The following RNLS variants were observed in gnomAD, a reference collection of about 807,000 sequenced individuals.
RNLS encodes the protein renalase, FAD dependent amine oxidase.
RNLS carries 39 observed loss-of-function variants against 39.8 expected under a neutral mutation model. That is an observed-to-expected ratio of 0.98 (90% confidence interval 0.76 to 1.28). RNLS has a LOEUF of 1.28. Ranked by LOEUF, RNLS falls within the 50% of genes most tolerant of loss-of-function variation. The pLI, the probability that RNLS is intolerant of heterozygous loss-of-function variation, is 0.00. For missense variants in RNLS, 410 were observed against 413.3 expected (o/e 0.99, Z 0.07); for synonymous variants, 147 against 150.7 (o/e 0.98, Z 0.18).
At chr10:88,290,376 GT>G (rs1372094621) in intron 6 of RNLS, among the ~76,000 whole-genome samples, 3 of 152,168 alleles carry the variant, frequency 2.0e-5, no homozygotes, top group African/African-American at 7.2e-5. Flanking sequence ...AAGAATTAAG[GT>G]TTTATAAATT....
At chr10:88,206,986 C>G in the RNLS span, among the ~76,000 whole-genome samples, 4 of 152,220 alleles carry the variant, frequency 2.6e-5, no homozygotes, top group South Asian at 6.2e-4. Context: ...GGCCCACAGG[C>G]TAGACAGACC....
intron 6 of RNLS, among the ~76,000 whole-genome samples, chr10:88,297,333 G>A (rs1263670784): frequency 2.0e-5 from 3 of 152,132 alleles, no homozygotes; most frequent in East Asian, 1.9e-4. Flanking sequence ...GATCTGAGCC[G>A]TGACTGGTTT....
intron 4 of RNLS, among the ~76,000 whole-genome samples, chr10:88,461,354 G>A (rs1269056896): frequency 3.3e-5 from 5 of 152,234 alleles, no homozygotes; most frequent in Middle Eastern, 3.4e-3. Flanking sequence ...AGGTAAAAAT[G>A]AATGGTCTGA....
At chr10:88,418,532 A>C (rs1306008834) in intron 4 of RNLS, among the ~76,000 whole-genome samples, 1 of 152,248 alleles carries the variant, frequency 6.6e-6, no homozygotes, top group Non-Finnish European at 1.5e-5. Flanking sequence ...CCTCAACTTT[A>C]GCCATCCAAA....
intron 5 of RNLS, among the ~76,000 whole-genome samples, chr10:88,346,811 CAT>C (rs1564714614): frequency 1.3e-5 from 2 of 152,148 alleles, no homozygotes; most frequent in African/African-American, 4.8e-5. Flanking sequence ...AGATGTGTCA[CAT>C]GTGTGATGGA....
intron 4 of RNLS, among the ~76,000 whole-genome samples, chr10:88,424,449 T>C (rs1251673940): frequency 2.0e-5 from 3 of 152,118 alleles, no homozygotes; most frequent in African/African-American, 7.2e-5. Flanking sequence ...TTCATAAAAA[T>C]GCATGGACTA....
chr10:88,457,408 G>A (rs758786985), intron 4 of RNLS, among the ~76,000 whole-genome samples: 21 of 152,158 alleles, frequency 1.4e-4, no homozygotes, highest in Non-Finnish European at 2.1e-4. Context: ...TATCAGAAGC[G>A]GGGTGGCAAC....
At chr10:88,429,553 T>C (rs76828355) in intron 4 of RNLS, among the ~76,000 whole-genome samples, 3,854 of 151,946 alleles carry the variant, frequency 0.025, 134 homozygotes, top group South Asian at 0.12. Context: ...CTTTTATGGA[T>C]CATATTTTTG....
intron 4 of RNLS, among the ~76,000 whole-genome samples, chr10:88,395,606 T>C (rs1217291484): frequency 2.6e-5 from 4 of 151,968 alleles, no homozygotes; most frequent in African/African-American, 7.2e-5. Context: ...GCCTCAGACA[T>C]TTGGGGAACA....
At chr10:88,362,484 A>C (rs1486554154) in intron 5 of RNLS, 68 bp downstream of exon 5, 5 of 1,398,442 alleles carry the variant, frequency 3.6e-6, no homozygotes, top group African/African-American at 1.6e-5. Context: ...CACTCAATTA[A>C]ACAGCATTTT....
the RNLS span, among the ~76,000 whole-genome samples, chr10:88,255,180 T>C: frequency 2.0e-5 from 3 of 152,266 alleles, no homozygotes; most frequent in Non-Finnish European, 4.4e-5. Context: ...GGTTTATTCA[T>C]GATACATTTG....
the RNLS span, among the ~76,000 whole-genome samples, chr10:88,177,694 G>A: frequency 6.6e-6 from 1 of 152,094 alleles, no homozygotes; most frequent in African/African-American, 2.4e-5. Context: ...TGTGCATCTG[G>A]CAGAACAGTC....
intron 4 of RNLS, among the ~76,000 whole-genome samples, chr10:88,391,080 C>T (rs796945): frequency 0.71 from 107,327 of 152,058 alleles, 38,758 homozygotes; most frequent in African/African-American, 0.86. Flanking sequence ...GCACATATGA[C>T]ATTTGAATCC....
chr10:88,453,726 C>G (rs1842473365), intron 4 of RNLS, among the ~76,000 whole-genome samples: 1 of 152,216 alleles, frequency 6.6e-6, no homozygotes, highest in South Asian at 2.1e-4. Context: ...TGTTAACTAG[C>G]ATTTTAGAAT....
At chr10:88,217,945 T>C in the RNLS span, among the ~76,000 whole-genome samples, 6 of 151,780 alleles carry the variant, frequency 4.0e-5, no homozygotes, top group Non-Finnish European at 8.8e-5. Context: ...CAGGCTGAGG[T>C]GAGAGAATCG....
downstream of RNLS, among the ~76,000 whole-genome samples, chr10:88,270,466 A>G (rs1456707880): frequency 7.2e-5 from 11 of 152,178 alleles, no homozygotes; most frequent in Admixed American, 2.6e-4. Context: ...CTTGTGCCTC[A>G]GGGGTTCCTA....
At chr10:88,278,595 C>T (rs984683739) in intron 6 of RNLS, among the ~76,000 whole-genome samples, 12 of 152,256 alleles carry the variant, frequency 7.9e-5, no homozygotes, top group East Asian at 3.9e-4. Flanking sequence ...CCCTCTCCCA[C>T]GCTAGCACAC....
intron 4 of RNLS, among the ~76,000 whole-genome samples, chr10:88,430,500 T>C (rs1398294356): frequency 2.0e-5 from 3 of 151,828 alleles, no homozygotes; most frequent in Non-Finnish European, 4.4e-5. Context: ...CTCCCTATTG[T>C]ACTGTCTAAC....
intron 4 of RNLS, among the ~76,000 whole-genome samples, chr10:88,367,849 G>T (rs1481858938): frequency 6.6e-6 from 1 of 151,638 alleles, no homozygotes; most frequent in Non-Finnish European, 1.5e-5. Context: ...TTTTCTTTTG[G>T]GCTGTCTTTT....
Sources: allele counts gnomAD v4.1 joint callset (sites outside exome capture counted in the v4.1 genomes callset), GRCh38; gene constraint gnomAD v4.1.1; transcripts MANE v1.5; gene names NCBI Gene and HGNC (gene_info 2026-07-23, HGNC 2026-07-21).